The following CDCP1 variants were observed in gnomAD, a reference collection of about 807,000 sequenced individuals.
CDCP1 encodes the protein CUB domain containing protein 1, also known as CUB domain-containing protein 1.
Under a neutral mutation model 60.2 loss-of-function variants are expected in CDCP1, and 29 were observed. The observed-to-expected ratio is 0.48, with a 90% confidence interval of 0.36 to 0.66. The LOEUF is 0.66. Ranked by LOEUF, CDCP1 falls within the 30% of genes least tolerant of loss-of-function variation. The pLI is 0.00. For missense variants in CDCP1, 876 were observed against 1,074.3 expected, an observed-to-expected ratio of 0.82 and a Z score of 2.58; for synonymous variants, 387 against 431.1, an observed-to-expected ratio of 0.90 and a Z score of 1.27.
At chr3:45,124,830 C>A (rs1698949275) in intron 1 of CDCP1, among the ~76,000 whole-genome samples, 1 of 152,172 alleles carries the variant, frequency 6.6e-6, no homozygotes, top group East Asian at 1.9e-4. Flanking sequence ...CAAGTTTATA[C>A]CCTACCTCAT....
chr3:45,138,050 G>C (rs1447574205), intron 1 of CDCP1, among the ~76,000 whole-genome samples: 1 of 152,180 alleles, frequency 6.6e-6, no homozygotes, highest in Non-Finnish European at 1.5e-5. Context: ...CGGTCATGAA[G>C]ATAGCTGCAA....
Position 45,126,388 on chromosome 3 carries a change from G to A in CDCP1, c.83-7767C>T, listed in dbSNP as rs546242522. ...CTCCAACAGAATTCATTCTAACAGT[G>A]CCTGCTGTGGGAGGGGTGGGGGTGC... On this transcript the variant is annotated intron_variant, in intron 1 of 8. Coordinates refer to ENST00000296129, the MANE Select transcript of CDCP1 (RefSeq NM_022842.5). 5.3e-5 allele frequency among the ~76,000 whole-genome samples: 8 copies of A among 151,996 alleles called. No individual in the cohort carries two copies. The East Asian group carries it at 1.5e-3, about 29-fold the overall frequency.
chr3:45,137,827 T>C (rs1036572327), intron 1 of CDCP1, among the ~76,000 whole-genome samples: 2 of 149,180 alleles, frequency 1.3e-5, no homozygotes, highest in East Asian at 3.9e-4. Flanking sequence ...AAGTCTTCTA[T>C]GTTCCGTGAA....
intron 4 of CDCP1, among the ~76,000 whole-genome samples, chr3:45,106,378 C>T (rs965505749): frequency 1.3e-5 from 2 of 152,166 alleles, no homozygotes; most frequent in East Asian, 1.9e-4. Flanking sequence ...ATTTCTGATG[C>T]CCTTCTCCTT....
chr3:45,121,288 T>A (rs982718523), intron 1 of CDCP1, among the ~76,000 whole-genome samples: 1 of 152,206 alleles, frequency 6.6e-6, no homozygotes, highest in African/African-American at 2.4e-5. Context: ...CCATTTAGAA[T>A]CTTCTGAGGC....
intron 1 of CDCP1, among the ~76,000 whole-genome samples, chr3:45,145,491 CG>C (rs1188108640): frequency 6.6e-6 from 1 of 152,172 alleles, no homozygotes; most frequent in African/African-American, 2.4e-5. Flanking sequence ...CACATATCCC[CG>C]GAACAACAGC....
chr3:45,110,882 A>G, intron 3 of CDCP1, 41 bp from the exon 4 acceptor site: 1 of 1,578,594 alleles, frequency 6.3e-7, no homozygotes, highest in Non-Finnish European at 8.6e-7. Context: ...ATAGGGAGCC[A>G]TTAGACCCTG....
intron 4 of CDCP1, among the ~76,000 whole-genome samples, chr3:45,108,844 CATGTATACATATATATGCATGT>C: frequency 2.2e-5 from 1 of 44,590 alleles, no homozygotes; most frequent in Non-Finnish European, 4.3e-5. Flanking sequence ...TATATATATG[CATGTATACATATATATGCATGT>C]ATATATATAT....
chr3:45,117,716 C>T (rs1193379336), intron 2 of CDCP1, among the ~76,000 whole-genome samples: 2 of 152,034 alleles, frequency 1.3e-5, no homozygotes, highest in Non-Finnish European at 2.9e-5. Context: ...CCTGCCTTAG[C>T]CTCCCAAATA....
At chr3:45,141,002 G>A (rs1699279029) in intron 1 of CDCP1, among the ~76,000 whole-genome samples, 1 of 152,082 alleles carries the variant, frequency 6.6e-6, no homozygotes, top group Non-Finnish European at 1.5e-5. Flanking sequence ...GGAGTTTGAG[G>A]CCAGCCTGGC....
intron 4 of CDCP1, among the ~76,000 whole-genome samples, chr3:45,100,989 G>A (rs1559389788): frequency 6.6e-6 from 1 of 152,200 alleles, no homozygotes; most frequent in Non-Finnish European, 1.5e-5. Flanking sequence ...TTTATTTCTT[G>A]TTCACTTTAC....
chr3:45,113,482 T>C (rs1338334774), intron 2 of CDCP1, among the ~76,000 whole-genome samples: 1 of 152,154 alleles, frequency 6.6e-6, no homozygotes, highest in Non-Finnish European at 1.5e-5. Flanking sequence ...ATCTGAAAGG[T>C]GTGATAGACT....
intron 1 of CDCP1, among the ~76,000 whole-genome samples, chr3:45,119,166 T>C (rs536061038): frequency 7.9e-5 from 12 of 152,196 alleles, no homozygotes; most frequent in Admixed American, 5.2e-4. Flanking sequence ...AAATTAGATA[T>C]AATCATATTA....
At chr3:45,108,771 G>A (rs955803360) in intron 4 of CDCP1, among the ~76,000 whole-genome samples, 14 of 39,122 alleles carry the variant, frequency 3.6e-4, no homozygotes, top group Admixed American at 5.8e-4. Context: ...ATATATATAT[G>A]CATGTATACA....
chr3:45,125,233 A>G (rs1698958196), intron 1 of CDCP1, among the ~76,000 whole-genome samples: 1 of 152,120 alleles, frequency 6.6e-6, no homozygotes, highest in Non-Finnish European at 1.5e-5. Context: ...ATTTGGCCAG[A>G]GTTTTGTTTG....
intron 4 of CDCP1, 133 bp from the exon 5 acceptor site, chr3:45,095,701 C>T (rs1216863661): frequency 7.5e-6 from 5 of 666,768 alleles, no homozygotes; most frequent in Non-Finnish European, 1.3e-5. Flanking sequence ...GTTGGGAAAA[C>T]GTATTATTAA....
intron 4 of CDCP1, among the ~76,000 whole-genome samples, chr3:45,099,777 G>C (rs1698459660): frequency 6.6e-6 from 1 of 151,532 alleles, no homozygotes; most frequent in Non-Finnish European, 1.5e-5. Flanking sequence ...TAATCTCCAA[G>C]AGTTCCTTTG....
intron 1 of CDCP1, among the ~76,000 whole-genome samples, chr3:45,132,439 C>T (rs1015443337): frequency 2.0e-5 from 3 of 152,126 alleles, no homozygotes; most frequent in South Asian, 2.1e-4. Context: ...CACTTCACTA[C>T]CAAAATGTTC....
chr3:45,120,521 T>C (rs1459318263), intron 1 of CDCP1, among the ~76,000 whole-genome samples: 7 of 152,154 alleles, frequency 4.6e-5, no homozygotes, highest in Non-Finnish European at 8.8e-5. Flanking sequence ...TCTATGACTA[T>C]TACCTGAGTA....
Sources: allele counts gnomAD v4.1 joint callset (sites outside exome capture counted in the v4.1 genomes callset), GRCh38; gene constraint gnomAD v4.1.1; transcripts MANE v1.5; gene names NCBI Gene and HGNC (gene_info 2026-07-23, HGNC 2026-07-21).